SLC39A12: variants seen among roughly 807,000 people sequenced by gnomAD.
The protein encoded by SLC39A12 is zinc transporter ZIP12.
Under a neutral mutation model 71.1 loss-of-function variants are expected in SLC39A12, and 63 were observed. The observed-to-expected ratio is 0.89, with a 90% CI of 0.72 to 1.09. The LOEUF (loss-of-function observed/expected upper bound fraction) is 1.09. SLC39A12 is among the 50% of genes least tolerant of loss of function. The pLI is 0.00. For missense variants in SLC39A12, 892 were observed against 812.6 expected (o/e 1.10, Z -1.19); for synonymous variants, 351 against 301.3 (o/e 1.16, Z -1.71).
intron 4 of SLC39A12, among the ~76,000 whole-genome samples, chr10:17,976,022 C>G (rs1196162676): frequency 6.6e-6 from 1 of 152,266 alleles, no homozygotes; most frequent in East Asian, 1.9e-4. Context: ...CTCTCTGCAC[C>G]ACACTGCTGC....
At chr10:18,036,746 TTATATATATA>T (rs1195629854) in intron 12 of SLC39A12, among the ~76,000 whole-genome samples, 19 of 37,488 alleles carry the variant, frequency 5.1e-4, no homozygotes, top group Admixed American at 9.4e-4. Flanking sequence ...ATTTTAAAAA[TTATATATATA>T]TATATATATA....
intron 9 of SLC39A12, among the ~76,000 whole-genome samples, 171 bp downstream of exon 9, chr10:17,993,462 G>A (rs369241487): frequency 3.9e-5 from 6 of 152,222 alleles, no homozygotes; most frequent in Admixed American, 3.9e-4. Context: ...CCTGAAAGCT[G>A]TTCTAAAGAG....
intron 3 of SLC39A12, among the ~76,000 whole-genome samples, chr10:17,962,334 G>A (rs551813361): frequency 6.6e-6 from 1 of 152,352 alleles, no homozygotes; most frequent in Non-Finnish European, 1.5e-5. Flanking sequence ...ATGGTTGCCA[G>A]CCCTAGATGA....
chr10:18,015,240 C>A (rs1048888761), intron 12 of SLC39A12, among the ~76,000 whole-genome samples: 1 of 150,838 alleles, frequency 6.6e-6, no homozygotes, highest in Non-Finnish European at 1.5e-5. Context: ...ATCTATATAT[C>A]TGTTTAATGG....
At chr10:17,976,855 G>C (rs1589227319) in intron 4 of SLC39A12, among the ~76,000 whole-genome samples, 1 of 152,262 alleles carries the variant, frequency 6.6e-6, no homozygotes, top group South Asian at 2.1e-4. Flanking sequence ...ATCAGATTTT[G>C]AAAGTTTTGG....
chr10:17,983,234 T>C (rs928840213), intron 6 of SLC39A12, among the ~76,000 whole-genome samples: 3 of 148,940 alleles, frequency 2.0e-5, no homozygotes, highest in Non-Finnish European at 4.4e-5. Context: ...CTCACACCTG[T>C]AGTCCTAGTA....
rs1564657169 is a variant in SLC39A12 at position 18,013,350 on chromosome 10, TTATTA to T, written c.1947+9994_1947+9998del. 6.6e-3 allele frequency among the ~76,000 whole-genome samples: 219 copies of T among 33,006 alleles called. 1 individual carries two copies. Among genetic ancestry groups the T allele is most frequent in the Middle Eastern group, 0.029 (2 of 70 alleles). The allele number at this position is 33,006 out of a possible 152,430, so 21.7% of individuals were successfully genotyped here. A position where few individuals can be genotyped will look rare whatever the true frequency, so the allele number is the denominator to read the frequency against. The stretch of plus-strand genomic sequence containing the variant: ...TTAGGTAAACATCCAACTTTATTTA[TTATTA>T]TTATTATTATTATTATTATTATTAT... On this transcript the variant is annotated intron_variant, in intron 12 of 12. Coordinates refer to ENST00000377369, the MANE Select transcript of SLC39A12 (RefSeq NM_001145195.2).
At chr10:18,035,074 C>G (rs1390760729) in intron 12 of SLC39A12, among the ~76,000 whole-genome samples, 3 of 143,462 alleles carry the variant, frequency 2.1e-5, no homozygotes, top group African/African-American at 7.8e-5. Flanking sequence ...TCTGGCTGCC[C>G]TTAACATTTT....
chr10:18,026,267 T>C (rs1309699878), intron 12 of SLC39A12, among the ~76,000 whole-genome samples: 5 of 152,188 alleles, frequency 3.3e-5, no homozygotes, highest in African/African-American at 1.2e-4. Context: ...CCTCTATTTT[T>C]GTTTTCTGAG....
intron 6 of SLC39A12, among the ~76,000 whole-genome samples, chr10:17,986,283 G>A (rs1341211469): frequency 6.6e-6 from 1 of 152,192 alleles, no homozygotes; most frequent in Non-Finnish European, 1.5e-5. Flanking sequence ...TTAGTAAGGG[G>A]TAGTCAGAGT....
At chr10:17,999,201 G>A (rs1835764206) in intron 10 of SLC39A12, among the ~76,000 whole-genome samples, 1 of 142,756 alleles carries the variant, frequency 7.0e-6, no homozygotes, top group Non-Finnish European at 1.5e-5. Flanking sequence ...GGGAGGCTGA[G>A]ACAGAATTGC....
chr10:17,979,383 G>A (rs1293898889), intron 5 of SLC39A12, among the ~76,000 whole-genome samples: 3 of 152,104 alleles, frequency 2.0e-5, no homozygotes, highest in African/African-American at 4.8e-5. Flanking sequence ...GAAACTATTC[G>A]ACTTCTTGAC....
intron 4 of SLC39A12, among the ~76,000 whole-genome samples, chr10:17,967,085 T>G (rs75776520): frequency 0.014 from 2,060 of 152,300 alleles, 39 homozygotes; most frequent in African/African-American, 0.043. Flanking sequence ...TTTGTCCAAG[T>G]TTCTTTTATA....
At chr10:18,040,610 A>T (rs913375604) in intron 12 of SLC39A12, among the ~76,000 whole-genome samples, 5 of 151,972 alleles carry the variant, frequency 3.3e-5, no homozygotes, top group Non-Finnish European at 5.9e-5. Flanking sequence ...TCTCTACTAA[A>T]AATACAAAAT....
rs1836746722 is a variant in SLC39A12 at position 18,028,584 on chromosome 10, T to C, written c.1948-14121T>C. Among the ~76,000 whole-genome samples, 3 of 152,218 alleles carry C rather than the reference T, an allele frequency of 2.0e-5. No homozygotes were observed. The South Asian group carries it at 6.2e-4, about 32-fold the overall frequency. On this transcript the variant is annotated intron_variant, in intron 12 of 12. Coordinates refer to ENST00000377369, the MANE Select transcript of SLC39A12 (RefSeq NM_001145195.2). ...TCCTCCCTAGTATACAGTTATCACA[T>C]AGGACCAGATGCTGGTATTTGTCTA...
chr10:17,991,413 T>C, intron 8 of SLC39A12, 110 bp downstream of exon 8: 2 of 782,854 alleles, frequency 2.6e-6, no homozygotes, highest in Non-Finnish European at 3.8e-6. Context: ...GTAAGGGATG[T>C]CTAATGGAAT....
chr10:17,994,130 T>C (rs1835625450), intron 9 of SLC39A12, among the ~76,000 whole-genome samples: 2 of 152,154 alleles, frequency 1.3e-5, no homozygotes, highest in Non-Finnish European at 2.9e-5. Flanking sequence ...ACATTCTAAA[T>C]GTGGTTTGAA....
At chr10:18,027,335 C>T (rs1417773789) in intron 12 of SLC39A12, among the ~76,000 whole-genome samples, 4 of 152,188 alleles carry the variant, frequency 2.6e-5, no homozygotes, top group African/African-American at 7.2e-5. Context: ...TTTGATAAAA[C>T]CCCAATAGGT....
At chr10:18,002,993 G>A (rs1308358555) in intron 11 of SLC39A12, 178 bp from the exon 12 acceptor site, 8 of 556,786 alleles carry the variant, frequency 1.4e-5, no homozygotes, top group East Asian at 8.8e-5. Flanking sequence ...CTAATAGTAC[G>A]ATGAATGGGC....
Sources: allele counts gnomAD v4.1 joint callset (sites outside exome capture counted in the v4.1 genomes callset), GRCh38; gene constraint gnomAD v4.1.1; transcripts MANE v1.5; gene names NCBI Gene and HGNC (gene_info 2026-07-23, HGNC 2026-07-21).